OXSR1: variants seen among roughly 807,000 people sequenced by gnomAD.
OXSR1 encodes oxidative stress responsive kinase 1.
OXSR1 carries 24 observed loss-of-function variants against 79.8 expected under a neutral mutation model. The observed-to-expected ratio is 0.30, with a 90% CI of 0.22 to 0.42. OXSR1 has a LOEUF of 0.42. Ranked by LOEUF, OXSR1 falls within the 10% of genes least tolerant of loss-of-function variation. The pLI is 1.00. For synonymous variants in OXSR1, 226 were observed against 209.2 expected (o/e 1.08, Z -0.69); for missense variants, 430 against 618.4 (o/e 0.70, Z 3.23).
chr3:38,214,561 T>G (rs76322648), intron 4 of OXSR1, among the ~76,000 whole-genome samples: 2,449 of 152,278 alleles, frequency 0.016, 69 homozygotes, highest in African/African-American at 0.054. Flanking sequence ...GTTGACTCAG[T>G]TGGATGATCT....
At chr3:38,168,158 A>G (rs1177642952) in intron 1 of OXSR1, among the ~76,000 whole-genome samples, 1 of 152,218 alleles carries the variant, frequency 6.6e-6, no homozygotes, top group Non-Finnish European at 1.5e-5. Flanking sequence ...AGGAACTCCA[A>G]TGTGATTTGA....
In OXSR1 at chr3:38,250,022, A is replaced by G; in HGVS notation, c.1375+4A>G. 1 of 1,577,466 alleles carries G rather than the reference A, an allele frequency of 6.3e-7. No homozygotes were observed. Among genetic ancestry groups the G allele is most frequent in the Non-Finnish European group, 8.7e-7 (1 of 1,148,000 alleles). ...TTTGAATTTACTCCTGGGAGAGGTG[A>G]GGCATCAAATGGATTGAAAACAAAA... On this transcript the variant is annotated splice_donor_region_variant and intron_variant, in intron 15 of 17. Coordinates refer to ENST00000311806, the MANE Select transcript of OXSR1 (RefSeq NM_005109.3).
chr3:38,232,988 G>A (rs1002803229), intron 10 of OXSR1, among the ~76,000 whole-genome samples: 9 of 152,124 alleles, frequency 5.9e-5, no homozygotes, highest in African/African-American at 1.9e-4. Context: ...ATAGTGCCAG[G>A]TACCTCCAGA....
intron 2 of OXSR1, among the ~76,000 whole-genome samples, chr3:38,185,527 A>G (rs983736200): frequency 2.0e-5 from 3 of 152,174 alleles, no homozygotes; most frequent in Non-Finnish European, 2.9e-5. Context: ...CAGAGGTTGC[A>G]GTGGGCCAAG....
At chr3:38,178,103 G>A (rs890678324) in intron 1 of OXSR1, among the ~76,000 whole-genome samples, 51 of 151,470 alleles carry the variant, frequency 3.4e-4, no homozygotes, top group African/African-American at 1.1e-3. Flanking sequence ...TGTGTGCGAC[G>A]ACACCCAGCT....
upstream of OXSR1, chr3:38,165,092 G>C (rs1701410185): frequency 6.6e-6 from 1 of 152,294 alleles, no homozygotes; most frequent in Non-Finnish European, 1.5e-5. Flanking sequence ...AGCTCTTGAA[G>C]GGCTGCAGCC....
In OXSR1 at chr3:38,208,985, T is replaced by TGTGC. The variant is rs1019752484; in HGVS notation, c.435-7110_435-7109insTGCG. Among the ~76,000 whole-genome samples the TGTGC allele has an allele frequency of 8.5e-3, 1,084 of 128,212 alleles. 7 individuals carry two copies. Among genetic ancestry groups the TGTGC allele is most frequent in the Non-Finnish European group, 0.012 (736 of 61,606 alleles). The allele number at this position is 128,212 out of a possible 152,430, so 84.1% of individuals were successfully genotyped here. A position where few individuals can be genotyped will look rare whatever the true frequency, so the allele number is the denominator to read the frequency against. The stretch of plus-strand genomic sequence containing the variant: ...GTGTGTGTGTGTGTGTGTGTGTGTG[T>TGTGC]GCGCGCGCGCGTGCGCGCATGTGCA... On this transcript the variant is annotated intron_variant, in intron 4 of 17. Transcript: ENST00000311806.
At chr3:38,217,824 C>G (rs1702513456) in intron 5 of OXSR1, among the ~76,000 whole-genome samples, 1 of 152,200 alleles carries the variant, frequency 6.6e-6, no homozygotes, top group Non-Finnish European at 1.5e-5. Flanking sequence ...TCCTTTCTGT[C>G]TCCATGAATT....
At chr3:38,168,562 A>G (rs1364830718) in intron 1 of OXSR1, among the ~76,000 whole-genome samples, 2 of 152,226 alleles carry the variant, frequency 1.3e-5, no homozygotes, top group African/African-American at 4.8e-5. Context: ...AAAATGTACA[A>G]TTCAATAATC....
intron 3 of OXSR1, among the ~76,000 whole-genome samples, chr3:38,194,378 C>G (rs935666829): frequency 6.6e-6 from 1 of 151,964 alleles, no homozygotes; most frequent in African/African-American, 2.4e-5. Context: ...ATGGCAAGAC[C>G]CTGTCTCTAC....
chr3:38,210,988 G>T (rs935612962), intron 4 of OXSR1, among the ~76,000 whole-genome samples: 1 of 152,176 alleles, frequency 6.6e-6, no homozygotes, highest in African/African-American at 2.4e-5. Flanking sequence ...TTTGCCAGCA[G>T]GGGTAGTTGA....
intron 4 of OXSR1, among the ~76,000 whole-genome samples, chr3:38,208,887 G>A (rs1276975943): frequency 1.3e-5 from 2 of 152,138 alleles, no homozygotes; most frequent in African/African-American, 2.4e-5. Flanking sequence ...GGGCGACAGA[G>A]CAAGACTCCA....
rs185093662 is a variant in OXSR1 at position 38,251,452 on chromosome 3, C to T, written c.1425C>T (p.Asp475=). 121 of 1,613,138 alleles carry T rather than the reference C, an allele frequency of 7.5e-5. No homozygotes were observed. Among genetic ancestry groups the T allele is most frequent in the African/African-American group, 9.3e-5 (7 of 74,978 alleles). Residue 475 remains aspartate, a synonymous_variant, in exon 16 of 18, where the codon GAC becomes GAT. Coordinates refer to ENST00000311806, the MANE Select transcript of OXSR1 (RefSeq NM_005109.3). ...AACTCATTTCTGCTGGCCTGGTCGA[C>T]GGAAGGGATTTAGTAATAGGTAACT... ...SQELISAGLV[D]GRDLVIVAAN...
At position 38,247,684 on chromosome 3, in the gene OXSR1, C is replaced by T; in HGVS notation, c.1274C>T (p.Ser425Leu). 1.2e-6 allele frequency: 2 copies of T among 1,611,550 alleles called. No homozygotes were observed. Among genetic ancestry groups the T allele is most frequent in the Admixed American group, 1.7e-5 (1 of 59,906 alleles). The part of the protein sequence containing the change: ...AKTAQALSSG[S>L]GSQETKIPIS... The stretch of plus-strand genomic sequence containing the variant: ...GCTTTTTAGGCTTTGTCTTCAGGAT[C>T]AGGTTCACAAGAAACCAAGATCCCA... The change falls in exon 14 of 18, where the codon TCA becomes TTA. Residue 425 changes from serine (S) to leucine (L), a missense_variant. Coordinates refer to ENST00000311806, the MANE Select transcript of OXSR1 (RefSeq NM_005109.3).
intron 4 of OXSR1, among the ~76,000 whole-genome samples, chr3:38,206,173 TCTTA>T (rs1423662841): frequency 2.0e-5 from 3 of 152,196 alleles, no homozygotes; most frequent in Non-Finnish European, 4.4e-5. Context: ...CTATTATTAA[TCTTA>T]CTTTGCTGGT....
intron 8 of OXSR1, among the ~76,000 whole-genome samples, chr3:38,225,667 A>C (rs911616621): frequency 2.6e-5 from 4 of 152,170 alleles, no homozygotes; most frequent in African/African-American, 9.7e-5. Context: ...TCCTGTTACA[A>C]ATACCTAGAA....
At chr3:38,191,951 GATTA>G (rs1232623547) in intron 3 of OXSR1, among the ~76,000 whole-genome samples, 1 of 152,146 alleles carries the variant, frequency 6.6e-6, no homozygotes, top group Non-Finnish European at 1.5e-5. Flanking sequence ...CTGGGACGCT[GATTA>G]ATCTGTACTC....
intron 14 of OXSR1, among the ~76,000 whole-genome samples, chr3:38,248,287 T>G (rs924685954): frequency 2.0e-5 from 3 of 152,056 alleles, no homozygotes; most frequent in Non-Finnish European, 4.4e-5. Context: ...GACAGATTGC[T>G]CAGCAGGAAG....
chr3:38,244,755 A>G (rs1703106900), intron 12 of OXSR1, among the ~76,000 whole-genome samples: 1 of 152,092 alleles, frequency 6.6e-6, no homozygotes, highest in Non-Finnish European at 1.5e-5. Flanking sequence ...GCCATTGTCA[A>G]CATAGGTGTA....
Sources: gnomAD v4.1 joint callset for allele counts (sites outside exome capture counted in the v4.1 genomes callset) on GRCh38, gnomAD v4.1.1 for gene constraint, MANE v1.5 for transcripts, NCBI Gene and HGNC (gene_info 2026-07-23, HGNC 2026-07-21) for gene names.